Variants in ADGRB3 observed in about 807,000 individuals in gnomAD.
ADGRB3 encodes adhesion G protein-coupled receptor B3.
ADGRB3 carries 37 observed loss-of-function variants against 193.4 expected under a neutral mutation model. The ratio of observed to expected loss-of-function variants is 0.19; its 90% CI spans 0.15 to 0.25. The LOEUF (loss-of-function observed/expected upper bound fraction) is 0.25. Ranked by LOEUF, ADGRB3 falls within the 10% of genes least tolerant of loss-of-function variation. The pLI, the probability that ADGRB3 is intolerant of heterozygous loss-of-function variation, is 1.00. For synonymous variants in ADGRB3, 690 were observed against 644.2 expected, an observed-to-expected ratio of 1.07 and a Z score of -1.08; for missense variants, 1,637 against 1,852.9, an observed-to-expected ratio of 0.88 and a Z score of 2.14.
intron 20 of ADGRB3, among the ~76,000 whole-genome samples, chr6:69,302,381 A>G (rs1307671277): frequency 6.6e-6 from 1 of 151,630 alleles, no homozygotes; most frequent in Non-Finnish European, 1.5e-5. Context: ...GAATGAGAAC[A>G]TTTTTTTCTG....
intron 3 of ADGRB3, among the ~76,000 whole-genome samples, chr6:68,863,608 GTA>G (rs1199147770): frequency 6.6e-6 from 1 of 151,906 alleles, no homozygotes; most frequent in East Asian, 1.9e-4. Flanking sequence ...GTATGTCCAA[GTA>G]CAGTACATAA....
intron 3 of ADGRB3, among the ~76,000 whole-genome samples, chr6:68,907,541 A>G (rs1442562499): frequency 6.6e-6 from 1 of 151,786 alleles, no homozygotes; most frequent in Non-Finnish European, 1.5e-5. Context: ...TATTTTTTCT[A>G]ATTTTTTTAG....
At chr6:68,777,952 A>G (rs1766780789) in intron 3 of ADGRB3, among the ~76,000 whole-genome samples, 2 of 152,102 alleles carry the variant, frequency 1.3e-5, no homozygotes, top group South Asian at 4.1e-4. Context: ...CTAGTAAGCT[A>G]GAACATCCTT....
At chr6:69,188,970 G>C (rs1765126479) in intron 17 of ADGRB3, among the ~76,000 whole-genome samples, 1 of 151,998 alleles carries the variant, frequency 6.6e-6, no homozygotes, top group Non-Finnish European at 1.5e-5. Context: ...TATCACAAAT[G>C]CTCTTTGGTA....
At chr6:69,227,242 G>C (rs1766037622) in intron 17 of ADGRB3, among the ~76,000 whole-genome samples, 1 of 152,188 alleles carries the variant, frequency 6.6e-6, no homozygotes, top group South Asian at 2.1e-4. Context: ...GAGCAGTTGG[G>C]AGTGGTGGGC....
chr6:68,713,189 A>T (rs751308972), intron 3 of ADGRB3, among the ~76,000 whole-genome samples: 4 of 151,926 alleles, frequency 2.6e-5, no homozygotes, highest in Non-Finnish European at 4.4e-5. Context: ...CATGATGGAA[A>T]TAAAATGGCT....
At chr6:68,932,090 A>C (rs1192075148) in intron 4 of ADGRB3, among the ~76,000 whole-genome samples, 7 of 152,186 alleles carry the variant, frequency 4.6e-5, no homozygotes, top group Non-Finnish European at 5.9e-5. Context: ...GATTAGAGAC[A>C]TTAAGTCAAG....
At chr6:68,743,927 C>A (rs772374189) in intron 3 of ADGRB3, among the ~76,000 whole-genome samples, 1 of 151,408 alleles carries the variant, frequency 6.6e-6, no homozygotes. Context: ...ATGGTTAGAG[C>A]CCTCCTCCTT....
In ADGRB3 at chr6:68,871,296, C is replaced by T. The variant is rs554707765; in HGVS notation, c.758-59263C>T. On this transcript the variant is annotated intron_variant, in intron 3 of 31. Transcript: ENST00000370598. The stretch of plus-strand genomic sequence containing the variant: ...TTATATTTGAAAAATGCTTAATTAA[C>T]ATTAACATTTTGAGAAGCTAGAAAC... 3.3e-5 allele frequency among the ~76,000 whole-genome samples: 5 copies of T among 152,210 alleles called. No homozygotes were observed. The South Asian group carries it at 1.0e-3, about 32-fold the overall frequency.
intron 3 of ADGRB3, among the ~76,000 whole-genome samples, chr6:68,695,615 T>C (rs1765144501): frequency 6.6e-6 from 1 of 151,980 alleles, no homozygotes; most frequent in Non-Finnish European, 1.5e-5. Flanking sequence ...TCGGTTTCTT[T>C]TGGTCTCCTA....
chr6:68,863,140 C>A (rs982028666), intron 3 of ADGRB3, among the ~76,000 whole-genome samples: 2 of 152,060 alleles, frequency 1.3e-5, no homozygotes, highest in African/African-American at 2.4e-5. Flanking sequence ...TCTAAATGTT[C>A]TCATAAGACA....
intron 13 of ADGRB3, among the ~76,000 whole-genome samples, chr6:69,045,636 T>C (rs955557679): frequency 6.6e-6 from 1 of 152,136 alleles, no homozygotes; most frequent in African/African-American, 2.4e-5. Context: ...ATACACTATT[T>C]TGATTTTCTA....
intron 20 of ADGRB3, among the ~76,000 whole-genome samples, chr6:69,308,937 C>T (rs1202458580): frequency 6.6e-6 from 1 of 151,616 alleles, no homozygotes; most frequent in East Asian, 1.9e-4. Flanking sequence ...CAGCTAAAAC[C>T]AAAGTTGGGA....
intron 20 of ADGRB3, among the ~76,000 whole-genome samples, chr6:69,273,874 G>A (rs1219391888): frequency 6.6e-6 from 1 of 152,102 alleles, no homozygotes; most frequent in Non-Finnish European, 1.5e-5. Flanking sequence ...GTCACTGGGG[G>A]TAAATTCTCA....
chr6:69,320,488 G>A (rs1255191982), intron 20 of ADGRB3, among the ~76,000 whole-genome samples: 1 of 151,324 alleles, frequency 6.6e-6, no homozygotes, highest in African/African-American at 2.4e-5. Flanking sequence ...ATTGTTAGTG[G>A]TTTATATTGT....
At chr6:68,979,604 A>G (rs570938836) in intron 10 of ADGRB3, among the ~76,000 whole-genome samples, 14 of 151,642 alleles carry the variant, frequency 9.2e-5, no homozygotes, top group African/African-American at 3.1e-4. Context: ...TTAATATGTT[A>G]ATGTTTCATT....
chr6:68,998,752 A>C (rs974733732), intron 11 of ADGRB3, among the ~76,000 whole-genome samples: 1 of 152,232 alleles, frequency 6.6e-6, no homozygotes, highest in Non-Finnish European at 1.5e-5. Context: ...ACCATTTTCA[A>C]CTAGCCACTC....
chr6:69,073,658 A>G (rs1436097351), intron 16 of ADGRB3, among the ~76,000 whole-genome samples: 4 of 152,122 alleles, frequency 2.6e-5, no homozygotes, highest in Non-Finnish European at 5.9e-5. Context: ...CCAACTGCAC[A>G]TTCCTTATAC....
At position 68,993,808 on chromosome 6, in the gene ADGRB3, G is replaced by C; in HGVS notation, c.1775G>C (p.Gly592Ala). 6.2e-7 allele frequency: 1 copy of C among 1,613,942 alleles called. No homozygotes were observed. The highest frequency in any genetic ancestry group is 8.5e-7 in the Non-Finnish European group (1 of 1,179,826). Residue 592 changes from glycine to alanine, a missense_variant, in exon 11 of 32, where the codon GGT becomes GCT. By Grantham distance (60) the Gly-to-Ala change is moderately conservative. Coordinates refer to ENST00000370598, the MANE Select transcript of ADGRB3 (RefSeq NM_001704.3). ...HLAKGQRMLA[G>A]DGMSQVTKTL... ...GCTAAGGGGCAGCGAATGCTGGCAG[G>C]TGATGGAATGTCCCAGGTGACCAAG...
Sources: gnomAD v4.1 joint callset for allele counts (sites outside exome capture counted in the v4.1 genomes callset) on GRCh38, gnomAD v4.1.1 for gene constraint, MANE v1.5 for transcripts, NCBI Gene and HGNC (gene_info 2026-07-23, HGNC 2026-07-21) for gene names.